SLC7A14: variants seen among roughly 807,000 people sequenced by gnomAD.
The protein encoded by SLC7A14 is solute carrier family 7 member 14, also known as gamma-aminobutyric acid transporter SLC7A14.
Under a neutral mutation model 60.2 loss-of-function variants are expected in SLC7A14, and 37 were observed. The ratio of observed to expected loss-of-function variants is 0.61; its 90% CI spans 0.47 to 0.81. The LOEUF is 0.81. Among genes scored for constraint, SLC7A14 ranks in the 30% least tolerant of loss-of-function variants. The pLI is 0.00. For missense variants in SLC7A14, 886 were observed against 982.7 expected (o/e 0.90, Z 1.32); for synonymous variants, 399 against 395.8 (o/e 1.01, Z -0.10).
At chr3:170,508,497 G>C (rs1429413927) in intron 2 of SLC7A14, among the ~76,000 whole-genome samples, 1 of 152,176 alleles carries the variant, frequency 6.6e-6, no homozygotes, top group Non-Finnish European at 1.5e-5. Flanking sequence ...GGCTGATCTA[G>C]CAAATGGATG....
At chr3:170,555,955 A>G (rs895305844) in intron 1 of SLC7A14, among the ~76,000 whole-genome samples, 1 of 152,148 alleles carries the variant, frequency 6.6e-6, no homozygotes, top group Non-Finnish European at 1.5e-5. Flanking sequence ...CTTAGAAGAG[A>G]TTCCTAGAAG....
At position 170,485,120 on chromosome 3, in the gene SLC7A14, A is replaced by C. The variant is rs957473963; in HGVS notation, c.906+1102T>G. Among the ~76,000 whole-genome samples the C allele has an allele frequency of 2.6e-5, 4 of 152,098 alleles. No individual in the cohort carries two copies. The South Asian group carries it at 8.3e-4, about 32-fold the overall frequency. ...CAACCCCTCCCTCAACATTCTGCCC[A>C]CTGGGATAATCAGGGTATGTATGGA... On this transcript the variant is annotated intron_variant, in intron 5 of 7. Coordinates refer to ENST00000231706, the MANE Select transcript of SLC7A14 (RefSeq NM_020949.3).
intron 1 of SLC7A14, among the ~76,000 whole-genome samples, chr3:170,570,861 C>G (rs1227504226): frequency 6.6e-6 from 1 of 152,012 alleles, no homozygotes; most frequent in Admixed American, 6.6e-5. Flanking sequence ...ACCCCAATAG[C>G]TTTAGGAGTA....
intron 1 of SLC7A14, among the ~76,000 whole-genome samples, chr3:170,566,308 G>A (rs1714784961): frequency 6.6e-6 from 1 of 152,172 alleles, no homozygotes; most frequent in African/African-American, 2.4e-5. Flanking sequence ...TCAGCTGAGA[G>A]TAAAAGTTGG....
chr3:170,527,062 G>C lies in SLC7A14; in HGVS notation c.-126C>G. 1.0e-6 allele frequency: 1 copy of C among 1,002,798 alleles called. No individual in the cohort carries two copies. Among genetic ancestry groups the C allele is most frequent in the Non-Finnish European group, 1.4e-6 (1 of 702,010 alleles). The allele number at this position is 1,002,798 out of a possible 1,614,324, so 62.1% of individuals were successfully genotyped here. A position where few individuals can be genotyped will look rare whatever the true frequency, so the allele number is the denominator to read the frequency against. ...TTTAGGAAAGGCCCAGAGGGACCCAGTGCAGCCTTCTCCTGGGCATGAATG... is the reference window on the plus strand; with the variant it reads ...TTTAGGAAAGGCCCAGAGGGACCCACTGCAGCCTTCTCCTGGGCATGAATG... On this transcript the variant is annotated 5_prime_UTR_variant, in exon 2 of 8. Transcript: ENST00000231706.
rs1248089422 is a variant in SLC7A14 at position 170,480,471 on chromosome 3, AT to A, written c.1810del (p.Met604TrpfsTer4). The A allele has an allele frequency of 6.2e-7, 1 of 1,614,020 alleles. No homozygotes were observed. Among genetic ancestry groups the A allele is most frequent in the African/African-American group, 1.3e-5 (1 of 74,938 alleles). Reference protein sequence around the residue: ...SWWAILLVVLMVLLISTLVFV... With the variant: ...SWWAILLVVLXVLLISTLVFV... ...CACCAGGGTGCTGATCAGCAGCACC[AT>A]CAGAACAACCAGAAGGATGGCCCAC... On this transcript the variant is annotated frameshift_variant, in exon 7 of 8. Coordinates refer to ENST00000231706, the MANE Select transcript of SLC7A14 (RefSeq NM_020949.3). LOFTEE classifies it high-confidence loss of function.
chr3:170,486,414 A>G (rs751973384), intron 4 of SLC7A14, 46 bp from the exon 5 acceptor site: 15 of 1,613,498 alleles, frequency 9.3e-6, no homozygotes, highest in Non-Finnish European at 1.2e-5. Flanking sequence ...TCGGGGTGGC[A>G]CCTGGGTCTT....
Position 170,468,809 on chromosome 3 carries a change from C to A in SLC7A14, c.1994-1432G>T, listed in dbSNP as rs59069099. Among the ~76,000 whole-genome samples, 1,180 of 152,284 alleles carry A rather than the reference C, an allele frequency of 7.7e-3. 14 individuals are homozygous for A. Among genetic ancestry groups the A allele is most frequent in the African/African-American group, 0.027 (1,122 of 41,544 alleles). On this transcript the variant is annotated intron_variant, in intron 7 of 7. Coordinates refer to ENST00000231706, the MANE Select transcript of SLC7A14 (RefSeq NM_020949.3). ...TGTAAAACGATGAGAGCTATAGCAACCCTCTTAACATGGGAGTGCTTGAGG... is the reference window on the plus strand; with the variant it reads ...TGTAAAACGATGAGAGCTATAGCAAACCTCTTAACATGGGAGTGCTTGAGG...
At chr3:170,471,087 AGG>A (rs988409233) in intron 7 of SLC7A14, among the ~76,000 whole-genome samples, 11 of 103,856 alleles carry the variant, frequency 1.1e-4, no homozygotes, top group African/African-American at 7.1e-4. Flanking sequence ...CTGTCTGGGA[AGG>A]GGTGTGTGTG....
At chr3:170,578,755 G>C (rs1715163365) in intron 1 of SLC7A14, among the ~76,000 whole-genome samples, 1 of 152,132 alleles carries the variant, frequency 6.6e-6, no homozygotes. Flanking sequence ...GTCTTAAGGA[G>C]GCAAATAATG....
intron 4 of SLC7A14, chr3:170,496,692 A>G: frequency 1.0e-6 from 1 of 964,418 alleles, no homozygotes; most frequent in Non-Finnish European, 1.7e-6. Context: ...GCGGCTATGC[A>G]GGTGGTCTGA....
chr3:170,507,733 C>T (rs1488875602), intron 2 of SLC7A14, among the ~76,000 whole-genome samples: 3 of 152,126 alleles, frequency 2.0e-5, no homozygotes, highest in African/African-American at 4.8e-5. Flanking sequence ...TAGTTTAAAG[C>T]TCTCTCTTAG....
rs771176593 is a variant in SLC7A14, at chr3:170,480,966, C to G, written c.1316G>C (p.Gly439Ala). ...LRYQPESDID[G>A]FVKFLSEEHT... ...CTCCTCAGACAAGAACTTGACAAAA[C>G]CATCAATGTCACTCTCAGGTTGGTA... The change falls in exon 7 of 8, where the codon GGT (glycine) becomes GCT (alanine). Residue 439 changes from glycine to alanine, a missense_variant. Physicochemically the swap from Gly to Ala is moderately conservative, Grantham distance 60 (BLOSUM62 0). Coordinates refer to ENST00000231706, the MANE Select transcript of SLC7A14 (RefSeq NM_020949.3). The G allele has an allele frequency of 1.2e-6, 2 of 1,614,042 alleles. No homozygotes were observed. Among genetic ancestry groups the G allele is most frequent in the South Asian group, 2.2e-5 (2 of 91,072 alleles).
intron 1 of SLC7A14, among the ~76,000 whole-genome samples, chr3:170,569,802 G>A (rs1010201155): frequency 6.6e-6 from 1 of 152,122 alleles, no homozygotes; most frequent in Non-Finnish European, 1.5e-5. Context: ...TTGTGTAGAG[G>A]TGTTTGTAGT....
At chr3:170,522,108 C>T (rs2108291456) in intron 2 of SLC7A14, among the ~76,000 whole-genome samples, 1 of 152,132 alleles carries the variant, frequency 6.6e-6, no homozygotes, top group South Asian at 2.1e-4. Flanking sequence ...AACAAACAAA[C>T]AAAAAACAAA....
At chr3:170,582,374 T>G (rs564182342) in intron 1 of SLC7A14, among the ~76,000 whole-genome samples, 25 of 152,324 alleles carry the variant, frequency 1.6e-4, no homozygotes, top group African/African-American at 5.3e-4. Flanking sequence ...ATTAGCCATA[T>G]AGAGTTATTG....
intron 7 of SLC7A14, among the ~76,000 whole-genome samples, chr3:170,472,010 T>A (rs1475537271): frequency 6.6e-6 from 1 of 151,888 alleles, no homozygotes; most frequent in African/African-American, 2.4e-5. Flanking sequence ...TTTGAGTTGA[T>A]GGGTCATGGT....
At chr3:170,514,042 C>T (rs1454816502) in intron 2 of SLC7A14, among the ~76,000 whole-genome samples, 1 of 152,208 alleles carries the variant, frequency 6.6e-6, no homozygotes, top group African/African-American at 2.4e-5. Context: ...CAAAGTTCTC[C>T]CTTCAGTTCT....
chr3:170,511,297 T>G (rs1048729437), intron 2 of SLC7A14, among the ~76,000 whole-genome samples: 8 of 151,942 alleles, frequency 5.3e-5, no homozygotes, highest in African/African-American at 1.9e-4. Flanking sequence ...CTTGGCAGGC[T>G]GAGGCAGTAG....
Sources: gnomAD v4.1 joint callset for allele counts (sites outside exome capture counted in the v4.1 genomes callset) on GRCh38, gnomAD v4.1.1 for gene constraint, MANE v1.5 for transcripts, NCBI Gene and HGNC (gene_info 2026-07-23, HGNC 2026-07-21) for gene names.